The following ABCC1 variants were observed in gnomAD, a reference collection of about 807,000 sequenced individuals.
The protein encoded by ABCC1 is ATP binding cassette subfamily C member 1 (ABCC1 blood group).
In ABCC1, 83 loss-of-function variants were observed where a neutral mutation model predicts 172.9. That is an observed-to-expected ratio of 0.48 (90% CI 0.40 to 0.58). ABCC1 has a LOEUF of 0.58. Ranked by LOEUF, ABCC1 falls within the 20% of genes least tolerant of loss-of-function variation. The probability of loss-of-function intolerance (pLI) is 0.00; values close to 1 mark genes in which losing one functional copy is unlikely to be tolerated. For synonymous variants in ABCC1, 937 were observed against 825.2 expected (o/e 1.14, Z -2.32); for missense variants, 1,817 against 2,002.7 (o/e 0.91, Z 1.77).
rs1370758402 is a variant in ABCC1 at position 16,016,475 on chromosome 16, C to G, written c.490-21C>G. Reference sequence around the variant, plus strand: ...AGCCCCAGAATGTGATCTTTTTCTTCCTTCCTTCCCCACCATGTAGGATGC... The same window carrying G: ...AGCCCCAGAATGTGATCTTTTTCTTGCTTCCTTCCCCACCATGTAGGATGC... On this transcript the variant is annotated intron_variant, in intron 4 of 30. Coordinates refer to ENST00000399410, the MANE Select transcript of ABCC1 (RefSeq NM_004996.4). 2.5e-6 allele frequency: 4 copies of G among 1,613,056 alleles called. No individual in the cohort carries two copies. In the South Asian group the frequency reaches 3.3e-5, roughly 13 times the overall value.
At chr16:16,101,996 C>G (rs967881355) in intron 19 of ABCC1, among the ~76,000 whole-genome samples, 5 of 152,144 alleles carry the variant, frequency 3.3e-5, no homozygotes, top group African/African-American at 1.2e-4. Context: ...TTGAAGCTCA[C>G]CTGGTTGTTG....
chr16:15,986,269 G>A (rs79344053), intron 1 of ABCC1, among the ~76,000 whole-genome samples: 2,268 of 151,746 alleles, frequency 0.015, 27 homozygotes, highest in Non-Finnish European at 0.021. Flanking sequence ...TATTCCCACC[G>A]TCCTCTTGTC....
chr16:16,110,115 T>G (rs188820659), intron 21 of ABCC1, among the ~76,000 whole-genome samples: 2,751 of 150,486 alleles, frequency 0.018, 98 homozygotes, highest in African/African-American at 0.063. Context: ...TTTTTTTTTT[T>G]TCCCCCTGGA....
At chr16:16,017,688 T>C (rs979390109) in intron 5 of ABCC1, among the ~76,000 whole-genome samples, 1 of 152,086 alleles carries the variant, frequency 6.6e-6, no homozygotes, top group Non-Finnish European at 1.5e-5. Flanking sequence ...GGATTACAGG[T>C]GTGAGTCACC....
At chr16:16,017,434 G>A (rs1433267049) in intron 5 of ABCC1, among the ~76,000 whole-genome samples, 1 of 152,000 alleles carries the variant, frequency 6.6e-6, no homozygotes, top group Non-Finnish European at 1.5e-5. Flanking sequence ...TTAAGTTCCA[G>A]GGTATAGGTA....
intron 1 of ABCC1, among the ~76,000 whole-genome samples, chr16:15,954,010 T>G (rs978196250): frequency 6.8e-6 from 1 of 146,814 alleles, no homozygotes; most frequent in African/African-American, 2.5e-5. Context: ...CCCACCCTTT[T>G]TTTTTTTTTT....
intron 1 of ABCC1, among the ~76,000 whole-genome samples, chr16:15,985,090 G>A (rs1314332333): frequency 2.0e-5 from 3 of 152,158 alleles, no homozygotes; most frequent in Admixed American, 6.5e-5. Context: ...GTGAGAGAGT[G>A]AGACTCTGTC....
chr16:15,980,161 A>C (rs536586327), intron 1 of ABCC1, among the ~76,000 whole-genome samples: 2 of 152,280 alleles, frequency 1.3e-5, no homozygotes, highest in East Asian at 3.9e-4. Flanking sequence ...TAGGTAGTAC[A>C]TATTTTAGGT....
intron 1 of ABCC1, among the ~76,000 whole-genome samples, chr16:15,957,798 T>G (rs1286128182): frequency 6.6e-6 from 1 of 152,096 alleles, no homozygotes; most frequent in South Asian, 2.1e-4. Flanking sequence ...TCCAGTATGT[T>G]GGCCAGCATG....
chr16:16,125,766 C>A, intron 25 of ABCC1, 44 bp from the exon 26 acceptor site: 4 of 1,287,784 alleles, frequency 3.1e-6, no homozygotes, highest in South Asian at 1.3e-5. Context: ...AAGTCAAGTA[C>A]GCCCGCTTAC....
At position 16,134,528 on chromosome 16, in the gene ABCC1, CA is replaced by C. The variant is rs2045839487; in HGVS notation, c.4125+21del. On this transcript the variant is annotated intron_variant, in intron 28 of 30. Transcript: ENST00000399410. Reference sequence around the variant, plus strand: ...CCCCAGGTGGGGTCTGGGTGTGGCCCAGGGGGTGAGCCAGAGCTGGCAAGCC... The same window carrying C: ...CCCCAGGTGGGGTCTGGGTGTGGCCCGGGGGTGAGCCAGAGCTGGCAAGCC... 3.1e-6 allele frequency: 5 copies of C among 1,613,292 alleles called. No individual in the cohort carries two copies. The highest frequency in any genetic ancestry group is 1.1e-5 in the South Asian group (1 of 91,070).
At chr16:16,120,645 G>A (rs2045108537) in intron 23 of ABCC1, among the ~76,000 whole-genome samples, 1 of 152,150 alleles carries the variant, frequency 6.6e-6, no homozygotes, top group Non-Finnish European at 1.5e-5. Flanking sequence ...TGACATCTGT[G>A]CTCCCATCTG....
At chr16:16,013,746 C>CT (rs1390316681) in intron 3 of ABCC1, among the ~76,000 whole-genome samples, 3 of 152,100 alleles carry the variant, frequency 2.0e-5, no homozygotes, top group African/African-American at 7.2e-5. Context: ...CCAGGCTTCT[C>CT]TGAGGGAGGG....
At chr16:16,064,069 A>C (rs1166513792) in intron 12 of ABCC1, among the ~76,000 whole-genome samples, 1 of 152,218 alleles carries the variant, frequency 6.6e-6, no homozygotes, top group East Asian at 1.9e-4. Context: ...TGCCATAAAC[A>C]GAGTAATAGA....
intron 2 of ABCC1, among the ~76,000 whole-genome samples, chr16:16,009,304 G>C (rs758472658): frequency 2.6e-5 from 4 of 151,970 alleles, no homozygotes; most frequent in Non-Finnish European, 5.9e-5. Context: ...ATGAGCTTTT[G>C]TTCTCTCTCT....
intron 7 of ABCC1, among the ~76,000 whole-genome samples, chr16:16,041,241 A>ATT (rs2048967967): frequency 6.6e-6 from 1 of 151,788 alleles, no homozygotes; most frequent in African/African-American, 2.4e-5. Context: ...TGGAGCCTCC[A>ATT]TTTTTCACCC....
intron 14 of ABCC1, among the ~76,000 whole-genome samples, chr16:16,073,113 C>T (rs2050417882): frequency 6.6e-6 from 1 of 151,920 alleles, no homozygotes; most frequent in South Asian, 2.1e-4. Flanking sequence ...CTTATAAAGC[C>T]TCTGTCATGC....
chr16:15,992,239 G>A (rs1479749059), intron 1 of ABCC1, among the ~76,000 whole-genome samples: 1 of 129,840 alleles, frequency 7.7e-6, no homozygotes, highest in Non-Finnish European at 1.7e-5. Context: ...GGCTCCCACC[G>A]ATTCTACATA....
intron 23 of ABCC1, among the ~76,000 whole-genome samples, chr16:16,120,275 A>C (rs1346463046): frequency 1.3e-5 from 2 of 152,140 alleles, no homozygotes; most frequent in Admixed American, 1.3e-4. Context: ...TCGATAAGCA[A>C]TTGTAGGCAC....
Sources: allele counts gnomAD v4.1 joint callset (sites outside exome capture counted in the v4.1 genomes callset), GRCh38; gene constraint gnomAD v4.1.1; transcripts MANE v1.5; gene names NCBI Gene and HGNC (gene_info 2026-07-23, HGNC 2026-07-21).